The following TBC1D14 variants were observed in gnomAD, a reference collection of about 807,000 sequenced individuals.
TBC1D14 encodes TBC1 domain family, member 14.
In TBC1D14, 26 loss-of-function variants were observed where a neutral mutation model predicts 79.0. The ratio of observed to expected loss-of-function variants is 0.33; its 90% CI spans 0.24 to 0.46. TBC1D14 has a LOEUF of 0.46. Among genes scored for constraint, TBC1D14 ranks in the 20% least tolerant of loss-of-function variants. The pLI is 1.00. For missense variants in TBC1D14, 769 were observed against 887.6 expected, an observed-to-expected ratio of 0.87 and a Z score of 1.70; for synonymous variants, 394 against 349.9, an observed-to-expected ratio of 1.13 and a Z score of -1.40.
At chr4:6,982,034 A>G (rs1004489590) in intron 3 of TBC1D14, among the ~76,000 whole-genome samples, 1 of 152,250 alleles carries the variant, frequency 6.6e-6, no homozygotes, top group Admixed American at 6.5e-5. Flanking sequence ...GCTTGTGGTA[A>G]TGCACAATGG....
intron 2 of TBC1D14, among the ~76,000 whole-genome samples, chr4:6,951,964 A>C (rs1714082594): frequency 6.6e-6 from 1 of 151,984 alleles, no homozygotes; most frequent in Non-Finnish European, 1.5e-5. Flanking sequence ...TGGGAAGGAG[A>C]CTGGCGATGA....
intron 5 of TBC1D14, 152 bp from the exon 6 acceptor site, chr4:6,998,933 C>T (rs976523537): frequency 1.6e-6 from 1 of 639,710 alleles, no homozygotes; most frequent in South Asian, 1.9e-5. Flanking sequence ...CTTCTGGAGT[C>T]CGTCAGGTGT....
At chr4:6,946,101 T>C (rs1713426446) in intron 2 of TBC1D14, among the ~76,000 whole-genome samples, 2 of 152,292 alleles carry the variant, frequency 1.3e-5, no homozygotes, top group South Asian at 4.1e-4. Context: ...GTTCTGTCTC[T>C]GAATTTTCTC....
At chr4:6,939,953 C>A (rs1240558648) in intron 2 of TBC1D14, among the ~76,000 whole-genome samples, 2 of 151,732 alleles carry the variant, frequency 1.3e-5, no homozygotes, top group East Asian at 3.9e-4. Flanking sequence ...GGCGTCACGA[C>A]CTACACCAGG....
intron 2 of TBC1D14, among the ~76,000 whole-genome samples, chr4:6,927,532 A>ATACTTTT (rs1423490099): frequency 6.6e-6 from 1 of 152,222 alleles, no homozygotes; most frequent in African/African-American, 2.4e-5. Context: ...TTTCTAAAAA[A>ATACTTTT]TACTTTTTCT....
At chr4:6,960,105 A>C (rs1024213937) in intron 2 of TBC1D14, among the ~76,000 whole-genome samples, 2 of 142,578 alleles carry the variant, frequency 1.4e-5, no homozygotes, top group African/African-American at 2.6e-5. Context: ...TTTTTGACAC[A>C]GAGTCTGGCT....
At chr4:7,028,529 C>T (rs540761323) in intron 13 of TBC1D14, among the ~76,000 whole-genome samples, 4 of 151,716 alleles carry the variant, frequency 2.6e-5, no homozygotes, top group Non-Finnish European at 4.4e-5. Context: ...CGGGTTCAAG[C>T]GATTCTCTTG....
At position 6,967,387 on chromosome 4, in the gene TBC1D14, G is replaced by T; in HGVS notation, c.806G>T (p.Arg269Leu). ...GWKLFGKAPL[R>L]ENAQKDSKRI... Reference sequence around the variant, plus strand: ...AAGTTATTTGGGAAAGCGCCACTCCGAGAGAATGCCCAGAAGGATTCAAAG... The same window carrying T: ...AAGTTATTTGGGAAAGCGCCACTCCTAGAGAATGCCCAGAAGGATTCAAAG... The change falls in exon 3 of 14, where the codon CGA becomes CTA. Residue 269 changes from arginine to leucine, a missense_variant. Physicochemically the swap from Arg to Leu is moderately radical, Grantham distance 102. This residue lies in a region of TBC1D14 where 402 missense variants were observed against 393.2 expected (regional missense o/e 1.02). Coordinates refer to ENST00000409757, the MANE Select transcript of TBC1D14 (RefSeq NM_020773.3). 1 of 1,614,008 alleles carries T rather than the reference G, an allele frequency of 6.2e-7. No homozygotes were observed. The highest frequency in any genetic ancestry group is 8.5e-7 in the Non-Finnish European group (1 of 1,180,026).
intron 2 of TBC1D14, among the ~76,000 whole-genome samples, chr4:6,956,334 T>A (rs747455773): frequency 3.3e-5 from 5 of 152,196 alleles, no homozygotes; most frequent in Admixed American, 6.5e-5. Flanking sequence ...CCTGAGCAGC[T>A]CTGGCTCACT....
chr4:7,009,925 T>C lies in TBC1D14; in HGVS notation c.1495T>C (p.Cys499Arg). 1 of 1,614,240 alleles carries C rather than the reference T, an allele frequency of 6.2e-7. No homozygotes were observed. Among genetic ancestry groups the C allele is most frequent in the South Asian group, 1.1e-5 (1 of 91,084 alleles). ...GCACAGTATTTTGGGCGCTTATACTTGTTACCGGCCAGATGTGGGTTATGT... is the reference window on the plus strand; with the variant it reads ...GCACAGTATTTTGGGCGCTTATACTCGTTACCGGCCAGATGTGGGTTATGT... The part of the protein sequence containing the change: ...MLHSILGAYT[C>R]YRPDVGYVQG... Residue 499 changes from cysteine (C) to arginine (R), a missense_variant, in exon 10 of 14, where the codon TGT becomes CGT. Physicochemically the swap from Cys to Arg is radical, Grantham distance 180. This residue lies in a region of TBC1D14 where 367 missense variants were observed against 494.4 expected (regional missense o/e 0.74). Transcript: ENST00000409757.
chr4:7,030,707 G>A lies in TBC1D14; in HGVS notation c.*315G>A. On this transcript the variant is annotated 3_prime_UTR_variant, in exon 14 of 14. Coordinates refer to ENST00000409757, the MANE Select transcript of TBC1D14 (RefSeq NM_020773.3). ...CAGCAAAAGCTAATTAAATTGTAAT[G>A]TTTCTATGTCAACTACTGGGAAGTA... 3.9e-6 allele frequency: 1 copy of A among 256,184 alleles called. No individual in the cohort carries two copies. The allele number at this position is 256,184 out of a possible 1,614,324, so 15.9% of individuals were successfully genotyped here.
intron 12 of TBC1D14, among the ~76,000 whole-genome samples, chr4:7,020,634 C>T (rs776235387): frequency 3.3e-5 from 5 of 152,218 alleles, no homozygotes; most frequent in Admixed American, 6.5e-5. Flanking sequence ...CTGACTTTCC[C>T]TTTTACTTTA....
At chr4:6,963,421 A>AG (rs1436059875) in intron 2 of TBC1D14, among the ~76,000 whole-genome samples, 1 of 152,236 alleles carries the variant, frequency 6.6e-6, no homozygotes, top group Non-Finnish European at 1.5e-5. Context: ...CAGACAGCAC[A>AG]GATGTTGAAG....
chr4:7,002,260 CTG>C (rs1007882655), intron 7 of TBC1D14, among the ~76,000 whole-genome samples: 16 of 152,194 alleles, frequency 1.1e-4, no homozygotes, highest in Middle Eastern at 3.2e-3. Context: ...TTTAACATCT[CTG>C]TGTGAGAAGA....
chr4:6,981,176 C>T (rs1222346751), intron 3 of TBC1D14, among the ~76,000 whole-genome samples: 1 of 152,010 alleles, frequency 6.6e-6, no homozygotes. Context: ...AGGCATGTAC[C>T]ACCACGCCCA....
intron 2 of TBC1D14, among the ~76,000 whole-genome samples, chr4:6,948,385 G>A (rs1405771564): frequency 3.3e-5 from 5 of 152,154 alleles, no homozygotes; most frequent in African/African-American, 1.2e-4. Flanking sequence ...CTCAACACTG[G>A]CAAACTGACC....
chr4:7,030,498 A>G lies in TBC1D14; in HGVS notation c.*106A>G, dbSNP rs2108766086. 1.7e-6 allele frequency: 2 copies of G among 1,159,132 alleles called. No individual in the cohort carries two copies. Among genetic ancestry groups the G allele is most frequent in the Non-Finnish European group, 2.5e-6 (2 of 792,290 alleles). The allele number at this position is 1,159,132 out of a possible 1,614,324, so 71.8% of individuals were successfully genotyped here. On this transcript the variant is annotated 3_prime_UTR_variant, in exon 14 of 14. Transcript: ENST00000409757. ...CAGCCGAGAAGAACAGACGCTCTTT[A>G]AGTTTGATTCCTAACACTGGAGTTG...
chr4:6,977,889 T>G (rs1202168315), intron 3 of TBC1D14, among the ~76,000 whole-genome samples: 1 of 139,760 alleles, frequency 7.2e-6, no homozygotes, highest in African/African-American at 2.8e-5. Flanking sequence ...GCCTCTGCCC[T>G]GCCGCCCCGT....
chr4:6,990,688 A>G (rs578226149), intron 3 of TBC1D14, among the ~76,000 whole-genome samples: 1 of 152,266 alleles, frequency 6.6e-6, no homozygotes, highest in South Asian at 2.1e-4. Flanking sequence ...AGGGCTTGGC[A>G]CTTGAGGGAG....
Sources: allele counts gnomAD v4.1 joint callset (sites outside exome capture counted in the v4.1 genomes callset), GRCh38; gene constraint gnomAD v4.1.1; regional missense constraint gnomAD v4.1.1; transcripts MANE v1.5; gene names NCBI Gene and HGNC (gene_info 2026-07-23, HGNC 2026-07-21).